GLIS3: variants seen among roughly 807,000 people sequenced by gnomAD.
GLIS3 encodes GLIS family zinc finger 3, also known as zinc finger protein GLIS3.
In GLIS3, 53 loss-of-function variants were observed where a neutral mutation model predicts 78.6. The ratio of observed to expected loss-of-function variants is 0.67; its 90% CI spans 0.54 to 0.85. The LOEUF (loss-of-function observed/expected upper bound fraction) is 0.85, where lower values mean the gene tolerates loss of function less well. GLIS3 is among the 40% of genes least tolerant of loss of function. The pLI, the probability that GLIS3 is intolerant of heterozygous loss-of-function variation, is 0.00. For synonymous variants in GLIS3, 684 were observed against 509.9 expected (o/e 1.34, Z -4.60); for missense variants, 1,703 against 1,231.1 (o/e 1.38, Z -5.74).
At chr9:4,221,486 C>G (rs374811150) in intron 2 of GLIS3, among the ~76,000 whole-genome samples, 1 of 152,168 alleles carries the variant, frequency 6.6e-6, no homozygotes, top group East Asian at 1.9e-4. Flanking sequence ...ATATTCTTCT[C>G]CCATTCTCCT....
chr9:4,280,215 G>T (rs1019640256), intron 2 of GLIS3, among the ~76,000 whole-genome samples: 3 of 152,160 alleles, frequency 2.0e-5, no homozygotes, highest in Non-Finnish European at 2.9e-5. Context: ...AGAGAGAGGG[G>T]TCTCACTTTG....
chr9:4,329,756 T>A (rs73641429), intron 2 of GLIS3, among the ~76,000 whole-genome samples: 2,678 of 152,152 alleles, frequency 0.018, 78 homozygotes, highest in African/African-American at 0.058. Flanking sequence ...TTTAAATACC[T>A]CTAGCAATGG....
chr9:3,848,581 C>T (rs1373291968), intron 9 of GLIS3, among the ~76,000 whole-genome samples: 3 of 152,340 alleles, frequency 2.0e-5, no homozygotes, highest in Non-Finnish European at 4.4e-5. Context: ...CGAAATCAGT[C>T]ATGGCTACAG....
intron 2 of GLIS3, among the ~76,000 whole-genome samples, chr9:4,339,259 G>A (rs1817799344): frequency 6.6e-6 from 1 of 152,172 alleles, no homozygotes. Flanking sequence ...GAATTGATCT[G>A]TTGTTTTGTC....
the GLIS3 span, among the ~76,000 whole-genome samples, chr9:4,447,265 C>A: frequency 1.3e-5 from 2 of 151,978 alleles, no homozygotes; most frequent in Non-Finnish European, 2.9e-5. Flanking sequence ...TCAGGCTGGT[C>A]TCAAACTCCT....
chr9:4,160,461 G>A (rs906689817), intron 2 of GLIS3, among the ~76,000 whole-genome samples: 4 of 152,222 alleles, frequency 2.6e-5, no homozygotes, highest in African/African-American at 9.6e-5. Context: ...CCGCACAGCG[G>A]CAGGCCTGGC....
Position 4,284,257 on chromosome 9 carries a change from C to T in GLIS3, c.388+1781G>A, listed in dbSNP as rs549699007. ...ACTACGTATTGGAAAGCACTTAACA[C>T]GGTGCCTGACATATGCTGAGTTATG... On this transcript the variant is annotated intron_variant, in intron 2 of 10. Transcript: ENST00000381971. 5.9e-5 allele frequency among the ~76,000 whole-genome samples: 9 copies of T among 152,262 alleles called. No individual in the cohort carries two copies. The South Asian group carries it at 6.2e-4, about 11-fold the overall frequency.
At chr9:4,070,377 T>C (rs1252623340) in intron 4 of GLIS3, among the ~76,000 whole-genome samples, 2 of 152,158 alleles carry the variant, frequency 1.3e-5, no homozygotes, top group Non-Finnish European at 2.9e-5. Context: ...TTTTGTTTGT[T>C]AAAGAAGGTC....
chr9:4,473,454 C>CACCAAAAAAAAAAAAAAAAAA, the GLIS3 span, among the ~76,000 whole-genome samples: 1 of 58,852 alleles, frequency 1.7e-5, no homozygotes. Context: ...TCAACAACAA[C>CACCAAAAAAAAAAAAAAAAAA]AACAACAAAA....
At position 4,294,903 on chromosome 9, in the gene GLIS3, A is replaced by G. The variant is rs1816347716; in HGVS notation, c.-99+4518T>C. ...AAAACATGGTGTAAGTGAAATATACAATTATAACCCACATCTATAATTTAC... is the reference window on the plus strand; with the variant it reads ...AAAACATGGTGTAAGTGAAATATACGATTATAACCCACATCTATAATTTAC... On this transcript the variant is annotated intron_variant, in intron 1 of 10. Coordinates refer to ENST00000381971, the MANE Select transcript of GLIS3 (RefSeq NM_001042413.2). 2.0e-5 allele frequency among the ~76,000 whole-genome samples: 3 copies of G among 152,218 alleles called. No homozygotes were observed. In the South Asian group the frequency reaches 6.2e-4, roughly 31 times the overall value.
At chr9:4,253,130 G>A (rs1025240422) in intron 2 of GLIS3, among the ~76,000 whole-genome samples, 4 of 152,254 alleles carry the variant, frequency 2.6e-5, no homozygotes, top group Non-Finnish European at 4.4e-5. Context: ...CCTTAGCAGA[G>A]CTCAAGCGCT....
At chr9:4,105,352 G>GT (rs1334312118) in intron 4 of GLIS3, among the ~76,000 whole-genome samples, 3 of 152,166 alleles carry the variant, frequency 2.0e-5, no homozygotes, top group Non-Finnish European at 4.4e-5. Context: ...AGGCACAGCT[G>GT]TTTGACAAGT....
chr9:4,365,320 G>A, the GLIS3 span, among the ~76,000 whole-genome samples: 1 of 152,138 alleles, frequency 6.6e-6, no homozygotes, highest in Non-Finnish European at 1.5e-5. Flanking sequence ...CACTTTGGGA[G>A]GCTGAGTCAG....
intron 2 of GLIS3, among the ~76,000 whole-genome samples, chr9:4,324,978 G>C (rs7042329): frequency 0.26 from 39,161 of 151,984 alleles, 6,143 homozygotes; most frequent in African/African-American, 0.44. Context: ...ATGTCAAATA[G>C]TTCCATTTAA....
chr9:4,439,346 T>C, the GLIS3 span, among the ~76,000 whole-genome samples: 1 of 152,228 alleles, frequency 6.6e-6, no homozygotes, highest in Non-Finnish European at 1.5e-5. Context: ...ATCTCCACGA[T>C]CAATTTTAGA....
At chr9:3,890,738 AAAAC>A (rs1476729390) in intron 7 of GLIS3, among the ~76,000 whole-genome samples, 2 of 150,346 alleles carry the variant, frequency 1.3e-5, no homozygotes, top group East Asian at 1.9e-4. Flanking sequence ...TCTAAAAAAC[AAAAC>A]AAACCAAACA....
At chr9:4,377,210 T>C in the GLIS3 span, among the ~76,000 whole-genome samples, 1 of 134,934 alleles carries the variant, frequency 7.4e-6, no homozygotes, top group Non-Finnish European at 1.7e-5. Flanking sequence ...GGAAGACCCA[T>C]CCTCGATGTG....
intron 6 of GLIS3, among the ~76,000 whole-genome samples, chr9:3,902,673 T>C (rs1039915672): frequency 3.9e-5 from 6 of 152,196 alleles, no homozygotes; most frequent in Admixed American, 6.5e-5. Flanking sequence ...GATGCGTTTC[T>C]AAGTTCCCAG....
At chr9:4,059,043 A>G (rs1159219374) in intron 4 of GLIS3, among the ~76,000 whole-genome samples, 1 of 152,106 alleles carries the variant, frequency 6.6e-6, no homozygotes, top group African/African-American at 2.4e-5. Flanking sequence ...TCAGGCTGCT[A>G]GTTGACGAAG....
Sources: allele counts gnomAD v4.1 joint callset (sites outside exome capture counted in the v4.1 genomes callset), GRCh38; gene constraint gnomAD v4.1.1; transcripts MANE v1.5; gene names NCBI Gene and HGNC (gene_info 2026-07-23, HGNC 2026-07-21).